The following BNC2 variants were observed in gnomAD, a reference collection of about 807,000 sequenced individuals.
BNC2 encodes basonuclin zinc finger protein 2.
Under a neutral mutation model 76.3 loss-of-function variants are expected in BNC2, and 20 were observed. The ratio of observed to expected loss-of-function variants is 0.26; its 90% CI spans 0.18 to 0.38. BNC2 has a LOEUF of 0.38. Ranked by LOEUF, BNC2 falls within the 10% of genes least tolerant of loss-of-function variation. BNC2 has a pLI of 1.00. For missense variants in BNC2, 1,382 were observed against 1,399.8 expected (o/e 0.99, Z 0.20); for synonymous variants, 582 against 514.8 (o/e 1.13, Z -1.77).
intron 1 of BNC2, among the ~76,000 whole-genome samples, chr9:16,824,990 G>C (rs1462114592): frequency 6.6e-6 from 1 of 151,922 alleles, no homozygotes; most frequent in African/African-American, 2.4e-5. Flanking sequence ...AGATATAGCA[G>C]ATCACACCCC....
chr9:16,502,976 A>G (rs559622162), intron 5 of BNC2, among the ~76,000 whole-genome samples: 2 of 152,280 alleles, frequency 1.3e-5, no homozygotes, highest in South Asian at 4.1e-4. Context: ...TTGTAACTCA[A>G]TCAATGAAAG....
Position 16,419,475 on chromosome 9 carries a change from G to T in BNC2, c.2814C>A (p.Pro938=). The change falls in exon 7 of 7, where the codon CCC becomes CCA. Residue 938 remains proline, a synonymous_variant. Coordinates refer to ENST00000380672, the MANE Select transcript of BNC2 (RefSeq NM_017637.6). ...TCAGGTGGGAGTCTTCAGTCCCTGC[G>T]GGAGAGGAGGCGTCTTCCCTGACAT... The part of the protein sequence containing the change: ...GLDVREDASS[P]AGTEDSHLNG... 1 of 1,614,074 alleles carries T rather than the reference G, an allele frequency of 6.2e-7. No homozygotes were observed. The highest frequency in any genetic ancestry group is 8.5e-7 in the Non-Finnish European group (1 of 1,179,972).
At chr9:16,713,643 T>A (rs1823913542) in intron 3 of BNC2, among the ~76,000 whole-genome samples, 1 of 152,088 alleles carries the variant, frequency 6.6e-6, no homozygotes, top group South Asian at 2.1e-4. Flanking sequence ...AACTTAGAAA[T>A]AACTGCACTA....
intron 5 of BNC2, among the ~76,000 whole-genome samples, chr9:16,444,552 A>C (rs1223877559): frequency 6.6e-6 from 1 of 152,084 alleles, no homozygotes; most frequent in African/African-American, 2.4e-5. Flanking sequence ...GGAGTGAGTG[A>C]TAGGCTCAGA....
intron 6 of BNC2, chr9:16,431,462 T>G (rs766166113): frequency 4.3e-6 from 2 of 470,376 alleles, no homozygotes; most frequent in Non-Finnish European, 8.8e-6. Context: ...GACAGCAGGT[T>G]CCAGGCCGGT....
At chr9:16,510,211 G>T (rs1822720917) in intron 5 of BNC2, among the ~76,000 whole-genome samples, 1 of 152,148 alleles carries the variant, frequency 6.6e-6, no homozygotes, top group African/African-American at 2.4e-5. Context: ...TTTTTCCACA[G>T]ATCATCAGTC....
At position 16,800,118 on chromosome 9, in the gene BNC2, G is replaced by T. The variant is rs1216920031; in HGVS notation, c.4-61633C>A. 6.6e-5 allele frequency among the ~76,000 whole-genome samples: 10 copies of T among 151,908 alleles called. No homozygotes were observed. In the East Asian group the frequency reaches 1.9e-3, roughly 29 times the overall value. On this transcript the variant is annotated intron_variant, in intron 1 of 6. Coordinates refer to ENST00000380672, the MANE Select transcript of BNC2 (RefSeq NM_017637.6). ...CAGGCGCCTGTAGTCCCAGCTACTC[G>T]GGAGGCTAAGGCAGGAGAATCACTT...
chr9:16,517,579 G>A lies in BNC2; in HGVS notation c.669+34951C>T, dbSNP rs115898970. ...AAATTAATTGCAAACACACACACAC[G>A]TACACAAGTGCACACAAACTTAAGT... On this transcript the variant is annotated intron_variant, in intron 5 of 6. Coordinates refer to ENST00000380672, the MANE Select transcript of BNC2 (RefSeq NM_017637.6). Among the ~76,000 whole-genome samples, 251 of 152,196 alleles carry A rather than the reference G, an allele frequency of 1.6e-3. 2 individuals carry two copies. Among genetic ancestry groups the A allele is most frequent in the African/African-American group, 5.1e-3 (210 of 41,514 alleles).
intron 5 of BNC2, among the ~76,000 whole-genome samples, chr9:16,516,308 C>G (rs567948597): frequency 5.9e-5 from 9 of 151,310 alleles, no homozygotes; most frequent in African/African-American, 9.7e-5. Flanking sequence ...CCTCAGGTAT[C>G]AGAACTCTGA....
intron 1 of BNC2, among the ~76,000 whole-genome samples, chr9:16,762,553 A>G (rs1350908087): frequency 6.6e-6 from 1 of 152,236 alleles, no homozygotes; most frequent in Non-Finnish European, 1.5e-5. Context: ...CAACACCAAC[A>G]GCAGTTCCCA....
At chr9:16,690,494 A>G (rs1271889121) in intron 3 of BNC2, among the ~76,000 whole-genome samples, 1 of 146,172 alleles carries the variant, frequency 6.8e-6, no homozygotes, top group Non-Finnish European at 1.5e-5. Context: ...TACTAACGAC[A>G]CAGTATTTAT....
intron 3 of BNC2, among the ~76,000 whole-genome samples, chr9:16,687,712 A>G (rs1823019974): frequency 2.0e-5 from 3 of 152,166 alleles, no homozygotes; most frequent in African/African-American, 7.2e-5. Context: ...TACACAAAAC[A>G]AATTGCTACT....
At chr9:16,830,443 T>C (rs1461690285) in intron 1 of BNC2, among the ~76,000 whole-genome samples, 1 of 152,212 alleles carries the variant, frequency 6.6e-6, no homozygotes, top group Non-Finnish European at 1.5e-5. Flanking sequence ...ACTAATACAA[T>C]GTAAATGCTA....
chr9:16,734,875 G>A (rs1423918401), intron 2 of BNC2, among the ~76,000 whole-genome samples: 1 of 152,124 alleles, frequency 6.6e-6, no homozygotes, highest in Non-Finnish European at 1.5e-5. Context: ...TTTAAACAGT[G>A]GCACAAACAT....
chr9:16,443,785 G>C (rs1182993700), intron 5 of BNC2, among the ~76,000 whole-genome samples: 1 of 152,148 alleles, frequency 6.6e-6, no homozygotes, highest in African/African-American at 2.4e-5. Context: ...TGAAATTCTG[G>C]AAAAGGTAAG....
chr9:16,605,029 C>T (rs1461909118), intron 3 of BNC2, among the ~76,000 whole-genome samples: 1 of 152,170 alleles, frequency 6.6e-6, no homozygotes, highest in Non-Finnish European at 1.5e-5. Flanking sequence ...TTAATGGACA[C>T]ATCTTTTTCA....
intron 5 of BNC2, among the ~76,000 whole-genome samples, chr9:16,526,655 C>T (rs17811225): frequency 0.083 from 12,587 of 151,998 alleles, 691 homozygotes; most frequent in Non-Finnish European, 0.13. Flanking sequence ...GGTGCCAGCA[C>T]AGTATACAGT....
intron 4 of BNC2, among the ~76,000 whole-genome samples, chr9:16,571,175 C>T (rs914635140): frequency 7.9e-5 from 12 of 152,154 alleles, no homozygotes; most frequent in Non-Finnish European, 1.5e-4. Flanking sequence ...TTACAGCTTG[C>T]ACATACAGAT....
At chr9:16,711,544 G>T (rs1279142909) in intron 3 of BNC2, among the ~76,000 whole-genome samples, 2 of 152,194 alleles carry the variant, frequency 1.3e-5, no homozygotes, top group African/African-American at 4.8e-5. Flanking sequence ...AATCACTTAG[G>T]TCAGGAAGAA....
Sources: gnomAD v4.1 joint callset for allele counts (sites outside exome capture counted in the v4.1 genomes callset) on GRCh38, gnomAD v4.1.1 for gene constraint, MANE v1.5 for transcripts, NCBI Gene and HGNC (gene_info 2026-07-23, HGNC 2026-07-21) for gene names.